ARID4B: variants seen among roughly 807,000 people sequenced by gnomAD.
ARID4B encodes AT-rich interaction domain 4B.
Under a neutral mutation model 147.5 loss-of-function variants are expected in ARID4B, and 26 were observed. The ratio of observed to expected loss-of-function variants is 0.18; its 90% CI spans 0.13 to 0.24. The LOEUF (loss-of-function observed/expected upper bound fraction) is 0.24. Among genes scored for constraint, ARID4B ranks in the 10% least tolerant of loss-of-function variants. The pLI, the probability that ARID4B is intolerant of heterozygous loss-of-function variation, is 1.00. For missense variants in ARID4B, 1,179 were observed against 1,511.5 expected, an observed-to-expected ratio of 0.78 and a Z score of 3.65; for synonymous variants, 512 against 507.9, an observed-to-expected ratio of 1.01 and a Z score of -0.11.
rs370109868 is a variant in ARID4B, at chr1:235,325,504, T to C, written c.6+1410A>G. Among the ~76,000 whole-genome samples the C allele has an allele frequency of 3.3e-4, 51 of 152,326 alleles. No homozygotes were observed. The East Asian group carries it at 5.8e-3, about 17-fold the overall frequency. ...TACAACACTGGGAAATGTGACACAT[T>C]ACATTTACTCCAAACTAAACCTTTT... On this transcript the variant is annotated intron_variant, in intron 2 of 23. Transcript: ENST00000264183.
chr1:235,194,224 A>G lies in ARID4B; in HGVS notation c.1927-13T>C, dbSNP rs780383923. ...TGTCTAATTTATTCTAGGTTAAGAA[A>G]AAAAGTATGTCGTAATTTATCATAA... On this transcript the variant is annotated splice_polypyrimidine_tract_variant and intron_variant, in intron 18 of 23. Transcript: ENST00000264183. The G allele has an allele frequency of 7.1e-5, 112 of 1,569,390 alleles. No individual in the cohort carries two copies. The highest frequency in any genetic ancestry group is 9.6e-5 in the Non-Finnish European group (110 of 1,141,306).
At chr1:235,183,804 C>T (rs933306526) in intron 19 of ARID4B, among the ~76,000 whole-genome samples, 2 of 151,668 alleles carry the variant, frequency 1.3e-5, no homozygotes, top group Admixed American at 6.6e-5. Flanking sequence ...CTCTCTCTCT[C>T]TATTTTTTTC....
intron 2 of ARID4B, chr1:235,326,656 T>A (rs1675290091): frequency 2.0e-6 from 1 of 505,984 alleles, no homozygotes; most frequent in African/African-American, 1.9e-5. Context: ...ATTCATGCCG[T>A]TATTCCTCTC....
intron 9 of ARID4B, among the ~76,000 whole-genome samples, chr1:235,232,615 T>C (rs1668310951): frequency 6.6e-6 from 1 of 151,546 alleles, no homozygotes; most frequent in Non-Finnish European, 1.5e-5. Context: ...ACACCTGTAG[T>C]GCTAGCTACT....
At chr1:235,280,150 A>G (rs1671574974) in intron 2 of ARID4B, among the ~76,000 whole-genome samples, 1 of 152,214 alleles carries the variant, frequency 6.6e-6, no homozygotes, top group African/African-American at 2.4e-5. Context: ...CAGTCATATA[A>G]TGATAAAAAC....
Position 235,223,252 on chromosome 1 carries a change from T to C in ARID4B, c.979A>G (p.Ile327Val), listed in dbSNP as rs948831466. The change falls in exon 13 of 24, where the codon ATT becomes GTT. Residue 327 changes from isoleucine (I) to valine (V), a missense_variant. Ile to Val is a conservative substitution (Grantham distance 29). Around this residue, in one of 10 missense-constraint regions of ARID4B, gnomAD observed 26 missense variants for 77.9 expected, o/e 0.33. Coordinates refer to ENST00000264183, the MANE Select transcript of ARID4B (RefSeq NM_016374.6). ...TATCCAAGTACAGGTCGTTTGTTAA[T>C]AGGTGTACCTGTTACAGAAAACACA... ...YKFMEDRGTP[I>V]NKRPVLGYRN... 7 of 1,565,654 alleles carry C rather than the reference T, an allele frequency of 4.5e-6. No individual in the cohort carries two copies. In the African/African-American group the frequency reaches 5.5e-5, roughly 12 times the overall value.
chr1:235,276,775 G>C (rs1024820840), intron 2 of ARID4B, among the ~76,000 whole-genome samples: 1 of 152,018 alleles, frequency 6.6e-6, no homozygotes, highest in Non-Finnish European at 1.5e-5. Context: ...AAGCAGGGGG[G>C]ATCACCTGAA....
chr1:235,215,571 GTGTGTGTGTA>G (rs887694344), intron 16 of ARID4B, among the ~76,000 whole-genome samples: 6 of 146,210 alleles, frequency 4.1e-5, no homozygotes, highest in East Asian at 2.0e-4. Context: ...GTGTGTGTGT[GTGTGTGTGTA>G]TATATTTTTC....
chr1:235,220,890 GT>G (rs10714449), intron 14 of ARID4B, among the ~76,000 whole-genome samples: 70,020 of 148,974 alleles, frequency 0.47, 16,548 homozygotes, highest in South Asian at 0.61. Flanking sequence ...TCCTTTTTTT[GT>G]TTTTTTTTGT....
chr1:235,233,792 C>A (rs1419578355), intron 9 of ARID4B, among the ~76,000 whole-genome samples: 1 of 152,064 alleles, frequency 6.6e-6, no homozygotes, highest in East Asian at 1.9e-4. Flanking sequence ...TCAATAAATA[C>A]ATCAATAGGC....
At chr1:235,235,947 T>C (rs1668525374) in intron 8 of ARID4B, among the ~76,000 whole-genome samples, 1 of 147,244 alleles carries the variant, frequency 6.8e-6, no homozygotes, top group Non-Finnish European at 1.5e-5. Flanking sequence ...TTCTTTTTCT[T>C]TTTTTTTTTT....
At chr1:235,169,859 G>A (rs12739051) in intron 23 of ARID4B, among the ~76,000 whole-genome samples, 44,028 of 151,734 alleles carry the variant, frequency 0.29, 7,527 homozygotes, top group South Asian at 0.53. Flanking sequence ...ATGGGGTTTC[G>A]TCATGTTGGC....
chr1:235,191,625 T>C (rs1665119861), intron 19 of ARID4B, among the ~76,000 whole-genome samples: 1 of 152,208 alleles, frequency 6.6e-6, no homozygotes, highest in Non-Finnish European at 1.5e-5. Context: ...CCTGTCCAAC[T>C]GAATTCTCTA....
chr1:235,201,679 T>C (rs1665934315), intron 17 of ARID4B, among the ~76,000 whole-genome samples: 1 of 152,062 alleles, frequency 6.6e-6, no homozygotes, highest in South Asian at 2.1e-4. Flanking sequence ...TTTAAAATGC[T>C]TCCAGACCAG....
chr1:235,248,676 G>A (rs1669453989), intron 6 of ARID4B, among the ~76,000 whole-genome samples: 1 of 152,154 alleles, frequency 6.6e-6, no homozygotes, highest in Non-Finnish European at 1.5e-5. Context: ...CTAAAGAGTT[G>A]TTTAAGAATC....
chr1:235,327,020 C>A, intron 1 of ARID4B, 52 bp from the exon 2 acceptor site: 1 of 1,246,972 alleles, frequency 8.0e-7, no homozygotes, highest in Non-Finnish European at 1.2e-6. Flanking sequence ...CCCCTCTGCA[C>A]TGGCGGAGGC....
chr1:235,258,266 AG>A (rs2103111901), intron 3 of ARID4B, among the ~76,000 whole-genome samples: 1 of 152,270 alleles, frequency 6.6e-6, no homozygotes, highest in African/African-American at 2.4e-5. Context: ...AGGGAGGTGG[AG>A]GTTGCAGTGA....
rs753225506 is a variant in ARID4B, at chr1:235,182,268, T to C, written c.2651A>G (p.Glu884Gly). 2.5e-6 allele frequency: 4 copies of C among 1,612,816 alleles called. No individual in the cohort carries two copies. The highest frequency in any genetic ancestry group is 1.1e-5 in the South Asian group (1 of 90,726). ...AGTTGTCCGTAGAGATTTTCTTTTT[T>C]CCTCCAAACCATTGTATTTCTTAGT... Reference protein sequence around the residue: ...TPTKKYNGLEEKRKSLRTTGF... With the variant: ...TPTKKYNGLEGKRKSLRTTGF... The change falls in exon 20 of 24, where the codon GAA becomes GGA. Residue 884 changes from glutamate (E) to glycine (G), a missense_variant. Physicochemically the swap from Glu to Gly is moderately conservative, Grantham distance 98 (BLOSUM62 -2). This residue lies in a region of ARID4B where 321 missense variants were observed against 342.4 expected (regional missense o/e 0.94). Transcript: ENST00000264183.
At chr1:235,196,487 C>T (rs1558190247) in intron 17 of ARID4B, among the ~76,000 whole-genome samples, 1 of 152,106 alleles carries the variant, frequency 6.6e-6, no homozygotes, top group East Asian at 1.9e-4. Flanking sequence ...AGCAGGTAGG[C>T]AATTTTTCTC....
Sources: gnomAD v4.1 joint callset for allele counts (sites outside exome capture counted in the v4.1 genomes callset) on GRCh38, gnomAD v4.1.1 for gene constraint, gnomAD v4.1.1 regional missense constraint, MANE v1.5 for transcripts, NCBI Gene and HGNC (gene_info 2026-07-23, HGNC 2026-07-21) for gene names.